Variants in SLC4A11 observed in about 807,000 individuals in gnomAD.
SLC4A11 encodes solute carrier family 4 member 11.
Under a neutral mutation model 95.0 loss-of-function variants are expected in SLC4A11, and 74 were observed. The ratio of observed to expected loss-of-function variants is 0.78; its 90% CI spans 0.65 to 0.95. The LOEUF is 0.95. Ranked by LOEUF, SLC4A11 falls within the 40% of genes least tolerant of loss-of-function variation. The probability of loss-of-function intolerance (pLI) is 0.00; values close to 1 mark genes in which losing one functional copy is unlikely to be tolerated. For missense variants in SLC4A11, 1,081 were observed against 1,192.4 expected (o/e 0.91, Z 1.38); for synonymous variants, 548 against 519.0 (o/e 1.06, Z -0.76).
Position 3,229,759 on chromosome 20 carries a change from A to G in SLC4A11, c.1507T>C (p.Tyr503His), listed in dbSNP as rs775227624. 2 of 1,613,824 alleles carry G rather than the reference A, an allele frequency of 1.2e-6. No individual in the cohort carries two copies. Among genetic ancestry groups the G allele is most frequent in the African/African-American group, 1.3e-5 (1 of 74,928 alleles). The change falls in exon 14 of 20, where the codon TAT becomes CAT. Residue 503 changes from tyrosine (Y) to histidine (H), a missense_variant. Physicochemically the swap from Tyr to His is moderately conservative, Grantham distance 83 (BLOSUM62 2). Around this residue, in one of 3 missense-constraint regions of SLC4A11, gnomAD observed 767 missense variants for 858.0 expected, o/e 0.89. Coordinates refer to ENST00000642402, the MANE Select transcript of SLC4A11 (RefSeq NM_001174089.2). ...GTVKIFWKYY[Y>H]GHYLDDYHTK... is the part of the protein sequence containing the mutation. The stretch of plus-strand genomic sequence containing the variant: ...TGATAGTCGTCCAAGTAATGCCCAT[A>G]GTAGTACTTCCAGAAGACTGTGGAC...
At chr20:3,236,431 A>G (rs2067982853) in intron 2 of SLC4A11, among the ~76,000 whole-genome samples, 1 of 152,178 alleles carries the variant, frequency 6.6e-6, no homozygotes, top group Admixed American at 6.5e-5. Flanking sequence ...CTAAAAATAC[A>G]AAAAGAAATT....
At chr20:3,238,402 G>C (rs1328229614) in intron 1 of SLC4A11, 1 of 1,071,414 alleles carries the variant, frequency 9.3e-7, no homozygotes, top group African/African-American at 1.7e-5. Context: ...GGCGCGGGGC[G>C]GGAGCCGGGG....
Position 3,231,488 on chromosome 20 carries a change from C to T in SLC4A11, c.790G>A (p.Ala264Thr), listed in dbSNP as rs917013239. The change falls in exon 8 of 20, where the codon GCC (alanine) becomes ACC (threonine). Residue 264 changes from alanine to threonine, a missense_variant. By Grantham distance (58) the Ala-to-Thr change is moderately conservative. Transcript: ENST00000642402. This position sits in a 1 kb window ranked among gnomAD's most constrained non-coding sequence, Gnocchi z 5.2. ...RTFATMFSDI[A>T]FRQKLLETRT... ...GTCTCCAGGAGCTTCTGGCGGAAGG[C>T]GATATCCGAGAACATGGTGGCAAAC... The T allele has an allele frequency of 4.3e-6, 7 of 1,613,910 alleles. No individual in the cohort carries two copies. The highest frequency in any genetic ancestry group is 3.4e-6 in the Non-Finnish European group (4 of 1,180,024).
Position 3,229,725 on chromosome 20 carries a change from C to T in SLC4A11, c.1541G>A (p.Arg514Lys). 6.2e-7 allele frequency: 1 copy of T among 1,613,994 alleles called. No homozygotes were observed. Among genetic ancestry groups the T allele is most frequent in the Non-Finnish European group, 8.5e-7 (1 of 1,180,004 alleles). ...TGACAGGCTGACAAGGGATGAAGTC[C>T]TTTTTGTGTGATAGTCGTCCAAGTA... ...GHYLDDYHTKRTSSLVSLSGL... is the reference protein window; with the variant it reads ...GHYLDDYHTKKTSSLVSLSGL... The change falls in exon 14 of 20, where the codon AGG becomes AAG. Residue 514 changes from arginine to lysine, a missense_variant. This residue lies in a region of SLC4A11 where 767 missense variants were observed against 858.0 expected (regional missense o/e 0.89). Transcript: ENST00000642402.
rs374142240 is a variant in SLC4A11, at chr20:3,234,682, G to A, written c.241+60C>T. On this transcript the variant is annotated intron_variant, in intron 3 of 19. Coordinates refer to ENST00000642402, the MANE Select transcript of SLC4A11 (RefSeq NM_001174089.2). This position sits in a 1 kb window ranked among gnomAD's most constrained non-coding sequence, Gnocchi z 5.8. ...CTCCTCAGGTCTTTCTTAGTAAGGC[G>A]AGTCACACCTGCCCAGTCCCGTGCC... The A allele has an allele frequency of 6.9e-5, 112 of 1,613,748 alleles. 1 individual carries two copies. Among genetic ancestry groups the A allele is most frequent in the Admixed American group, 2.5e-4 (15 of 60,022 alleles).
At chr20:3,230,900 A>ACCCCCCCCCCCCCCCCCCCC in intron 10 of SLC4A11, 33 bp downstream of exon 10, 1 of 1,610,756 alleles carries the variant, frequency 6.2e-7, no homozygotes, top group Non-Finnish European at 8.5e-7. Context: ...AGCCCAGCAT[A>ACCCCCCCCCCCCCCCCCCCC]CCCCCACCCA....
Position 3,233,922 on chromosome 20 carries a change from T to C in SLC4A11, c.604A>G (p.Ile202Val). The change falls in exon 6 of 20, where the codon ATC becomes GTC. Residue 202 changes from isoleucine to valine, a missense_variant and splice_region_variant. Around this residue, in one of 3 missense-constraint regions of SLC4A11, gnomAD observed 310 missense variants for 313.5 expected, o/e 0.99. Transcript: ENST00000642402. ...GGGCCAAGTGGCCTGGCAACTCACA[T>C]GATGCAGAGCCACGACTGCTGGTAC... The part of the protein sequence containing the change: ...VRYQQSWLCI[I>V]CTMKALQKRH... 4 of 1,612,822 alleles carry C rather than the reference T, an allele frequency of 2.5e-6. No individual in the cohort carries two copies. The highest frequency in any genetic ancestry group is 3.4e-6 in the Non-Finnish European group (4 of 1,179,980).
Position 3,234,110 on chromosome 20 carries a change from C to T in SLC4A11, c.496G>A (p.Asp166Asn), listed in dbSNP as rs1016651918. The T allele has an allele frequency of 8.1e-6, 13 of 1,613,922 alleles. No individual in the cohort carries two copies. The African/African-American group carries it at 1.2e-4, about 15-fold the overall frequency. ...TTACCCCGCATGGGTGCCCCGGCAT[C>T]GGTGAAGAGCATGGCCATGAGCAGG... Reference protein sequence around the residue: ...LDLLMAMLFTDAGAPMRGKVH... With the variant: ...LDLLMAMLFTNAGAPMRGKVH... Residue 166 changes from aspartate to asparagine, a missense_variant, in exon 5 of 20, where the codon GAT (aspartate) becomes AAT (asparagine). Physicochemically the swap from Asp to Asn is conservative, Grantham distance 23 (BLOSUM62 1). Coordinates refer to ENST00000642402, the MANE Select transcript of SLC4A11 (RefSeq NM_001174089.2). The surrounding 1 kb of genome is among the most constrained non-coding windows in gnomAD (Gnocchi z 5.8).
At chr20:3,236,827 A>T (rs1303834421) in intron 2 of SLC4A11, among the ~76,000 whole-genome samples, 3 of 151,638 alleles carry the variant, frequency 2.0e-5, no homozygotes, top group Non-Finnish European at 4.4e-5. Flanking sequence ...GCTCTACCTT[A>T]GACTTAGTGC....
rs543717276 is a variant in SLC4A11, at chr20:3,234,490, C to A, written c.291+78G>T. The A allele has an allele frequency of 1.3e-6, 2 of 1,589,942 alleles. No individual in the cohort carries two copies. The highest frequency in any genetic ancestry group is 1.3e-5 in the African/African-American group (1 of 74,514). ...TGGAGGCATGGGAAGAGGGGAGCAGCGGGAGGATTCTCAGGGAAGCCATCA... is the reference window on the plus strand; with the variant it reads ...TGGAGGCATGGGAAGAGGGGAGCAGAGGGAGGATTCTCAGGGAAGCCATCA... On this transcript the variant is annotated intron_variant, in intron 4 of 19. Transcript: ENST00000642402. This position sits in a 1 kb window ranked among gnomAD's most constrained non-coding sequence, Gnocchi z 5.8.
rs1476364636 is a variant in SLC4A11, at chr20:3,229,394, C to T, written c.1801G>A (p.Val601Met). ...ILSDCALPIAVLAFSLISSHG... is the reference protein window; with the variant it reads ...ILSDCALPIAMLAFSLISSHG... ...GAGCTGATGAGGGAGAAGGCGAGCA[C>T]CGCGATGGGCAGGGCGCAGTCGGAC... Residue 601 changes from valine (V) to methionine (M), a missense_variant, in exon 15 of 20, where the codon GTG becomes ATG. Val to Met is a conservative substitution (Grantham distance 21). Coordinates refer to ENST00000642402, the MANE Select transcript of SLC4A11 (RefSeq NM_001174089.2). 2 of 1,613,238 alleles carry T rather than the reference C, an allele frequency of 1.2e-6. No individual in the cohort carries two copies. The highest frequency in any genetic ancestry group is 1.7e-6 in the Non-Finnish European group (2 of 1,180,032).
At chr20:3,228,780 T>G (rs2067636039) in intron 17 of SLC4A11, 58 bp downstream of exon 17, 11 of 1,612,926 alleles carry the variant, frequency 6.8e-6, no homozygotes, top group Admixed American at 1.7e-5. Flanking sequence ...CTATGTCCCA[T>G]GTGGCCAGAG....
chr20:3,230,132 A>C (rs1600572348), intron 13 of SLC4A11, 55 bp downstream of exon 13: 10 of 1,591,612 alleles, frequency 6.3e-6, no homozygotes, highest in African/African-American at 1.3e-5. Flanking sequence ...GCAGTGCAGA[A>C]CCTCCCATCT....
intron 6 of SLC4A11, 57 bp downstream of exon 6, chr20:3,233,864 A>G: frequency 6.3e-7 from 1 of 1,590,054 alleles, no homozygotes; most frequent in South Asian, 1.1e-5. Flanking sequence ...CACAGGGGAC[A>G]TGGGACACCC....
rs573599198 is a variant in SLC4A11 at position 3,238,774 on chromosome 20, G to T, written c.43+321C>A. 2,458 of 1,118,550 alleles carry T rather than the reference G, an allele frequency of 2.2e-3. 7 individuals are homozygous for T. The highest frequency in any genetic ancestry group is 2.5e-3 in the Non-Finnish European group (2,320 of 915,372). 69.3% of individuals were successfully genotyped at this position (1,118,550 alleles called of 1,614,324 possible). ...CAAAAGCTCGGCGCTCGGGGCGCTG[G>T]GAGCCCCACAGCTCCGCCCTGCCCA... On this transcript the variant is annotated intron_variant, in intron 1 of 19. Transcript: ENST00000642402.
In SLC4A11 at chr20:3,233,941, C is replaced by T. The variant is rs2122595064; in HGVS notation, c.585G>A (p.Gln195=). The part of the protein sequence containing the change: ...VTATVTGVRY[Q]QSWLCIICTM... ...CTCACATGATGCAGAGCCACGACTG[C>T]TGGTACCGCACCCCTGTCACTGTGG... The change falls in exon 6 of 20, where the codon CAG becomes CAA. Residue 195 remains glutamine, a synonymous_variant. Transcript: ENST00000642402. 6.2e-7 allele frequency: 1 copy of T among 1,613,530 alleles called. No homozygotes were observed. The highest frequency in any genetic ancestry group is 1.3e-5 in the African/African-American group (1 of 75,036).
chr20:3,238,281 G>T, intron 1 of SLC4A11: 1 of 1,242,288 alleles, frequency 8.0e-7, no homozygotes, highest in Non-Finnish European at 1.0e-6. Context: ...GGTCCCGGCT[G>T]TTTGTGCCTC....
intron 2 of SLC4A11, among the ~76,000 whole-genome samples, chr20:3,237,204 C>T (rs564192856): frequency 2.1e-4 from 32 of 152,326 alleles, no homozygotes; most frequent in African/African-American, 7.7e-4. Context: ...CAGATATTCC[C>T]TCCAGGGCTG....
Position 3,229,142 on chromosome 20 carries a change from G to T in SLC4A11, c.1971C>A (p.Phe657Leu). Residue 657 changes from phenylalanine (F) to leucine (L), a missense_variant, in exon 16 of 20, where the codon TTC (phenylalanine) becomes TTA (leucine). Physicochemically the swap from Phe to Leu is conservative, Grantham distance 22. This residue lies in a region of SLC4A11 where 767 missense variants were observed against 858.0 expected (regional missense o/e 0.89). Transcript: ENST00000642402. ...AGGCGGCCACCAAGTTCTGCTCGAT[G>T]AAGAAGAGCATGGACAGCAGGAAGC... ...GLGFLLSMLF[F>L]IEQNLVAALV... is the part of the protein sequence containing the mutation. 1 of 1,608,100 alleles carries T rather than the reference G, an allele frequency of 6.2e-7. No homozygotes were observed. Among genetic ancestry groups the T allele is most frequent in the Non-Finnish European group, 8.5e-7 (1 of 1,179,514 alleles).
Sources: gnomAD v4.1 joint callset for allele counts (sites outside exome capture counted in the v4.1 genomes callset) on GRCh38, gnomAD v4.1.1 for gene constraint, gnomAD v4.1.1 regional missense constraint, Gnocchi (gnomAD v3.1) non-coding constraint, MANE v1.5 for transcripts, NCBI Gene and HGNC (gene_info 2026-07-23, HGNC 2026-07-21) for gene names.